SNX29: variants seen among roughly 807,000 people sequenced by gnomAD.
The protein encoded by SNX29 is sorting nexin-29.
A neutral mutation model predicts 102.1 loss-of-function variants in SNX29; 78 were observed. The ratio of observed to expected loss-of-function variants is 0.76; its 90% CI spans 0.64 to 0.92. SNX29 has a LOEUF of 0.92. Among genes scored for constraint, SNX29 ranks in the 40% least tolerant of loss-of-function variants. SNX29 has a pLI of 0.00. For synonymous variants in SNX29, 580 were observed against 414.5 expected (o/e 1.40, Z -4.85); for missense variants, 1,280 against 1,061.7 (o/e 1.21, Z -2.86).
chr16:12,264,806 A>G (rs2078879545), intron 14 of SNX29, among the ~76,000 whole-genome samples: 1 of 151,840 alleles, frequency 6.6e-6, no homozygotes, highest in African/African-American at 2.4e-5. Flanking sequence ...GGATGAAAAC[A>G]CTTATTATCT....
At chr16:12,025,790 G>A (rs1303950356) in intron 3 of SNX29, among the ~76,000 whole-genome samples, 1 of 152,164 alleles carries the variant, frequency 6.6e-6, no homozygotes, top group Non-Finnish European at 1.5e-5. Context: ...GGTAGCCAGA[G>A]GACTTTTATC....
intron 15 of SNX29, among the ~76,000 whole-genome samples, chr16:12,278,767 T>C (rs935534909): frequency 6.6e-6 from 1 of 152,214 alleles, no homozygotes; most frequent in Non-Finnish European, 1.5e-5. Context: ...TAGAAAGTCA[T>C]TACTCAAATT....
chr16:12,225,868 C>T (rs984661043), intron 14 of SNX29, among the ~76,000 whole-genome samples: 4 of 152,106 alleles, frequency 2.6e-5, no homozygotes, highest in Admixed American at 6.6e-5. Context: ...GTAGTTAACT[C>T]CACAATAATA....
At chr16:12,559,563 C>T (rs182565213) in intron 20 of SNX29, among the ~76,000 whole-genome samples, 3 of 151,972 alleles carry the variant, frequency 2.0e-5, no homozygotes, top group African/African-American at 7.3e-5. Context: ...GAAAATTTTT[C>T]TTATACATAA....
intron 13 of SNX29, among the ~76,000 whole-genome samples, chr16:12,146,350 C>G (rs1004986573): frequency 2.6e-5 from 4 of 152,130 alleles, no homozygotes; most frequent in African/African-American, 9.7e-5. Flanking sequence ...ACTGCAACCC[C>G]CACCTTCCAG....
rs577739761 is a variant in SNX29 at position 12,310,014 on chromosome 16, G to A, written c.1782+31978G>A. The stretch of plus-strand genomic sequence containing the variant: ...CCAAGATAAACACAGACGTGTGCAC[G>A]CACGCTTGCACACATGGATGTGTGC... On this transcript the variant is annotated intron_variant, in intron 15 of 20. Transcript: ENST00000566228. Among the ~76,000 whole-genome samples, 218 of 148,792 alleles carry A rather than the reference G, an allele frequency of 1.5e-3. 1 individual carries two copies. The highest frequency in any genetic ancestry group is 2.7e-3 in the Non-Finnish European group (182 of 67,508).
At chr16:12,402,282 A>T (rs2083976322) in intron 17 of SNX29, among the ~76,000 whole-genome samples, 1 of 152,248 alleles carries the variant, frequency 6.6e-6, no homozygotes, top group South Asian at 2.1e-4. Context: ...GTCATTGTGA[A>T]AATGAAATGG....
At chr16:12,218,951 T>C (rs527920210) in intron 14 of SNX29, among the ~76,000 whole-genome samples, 84 of 152,256 alleles carry the variant, frequency 5.5e-4, no homozygotes, top group African/African-American at 2.0e-3. Flanking sequence ...ATTTTTTGTA[T>C]TTTTAGTAGA....
At chr16:12,441,459 C>T (rs768603063) in intron 18 of SNX29, among the ~76,000 whole-genome samples, 2 of 152,090 alleles carry the variant, frequency 1.3e-5, no homozygotes, top group Non-Finnish European at 2.9e-5. Flanking sequence ...ATCCATTCAT[C>T]TCCTGATGGC....
rs2141595187 is a variant in SNX29 at position 12,572,581 on chromosome 16, T to C, written c.*3952T>C. On this transcript the variant is annotated 3_prime_UTR_variant, in exon 21 of 21. Coordinates refer to ENST00000566228, the MANE Select transcript of SNX29 (RefSeq NM_032167.5). ...CTCACAGGGAGGTCCAGCCATGTTC[T>C]CTGGGCTCCCAGTGAGCCCCCTCCC... The C allele has an allele frequency of 1.9e-6, 2 of 1,064,370 alleles. No individual in the cohort carries two copies. Among genetic ancestry groups the C allele is most frequent in the Non-Finnish European group, 1.1e-6 (1 of 878,640 alleles). The allele number at this position is 1,064,370 out of a possible 1,614,324, so 65.9% of individuals were successfully genotyped here. A position where few individuals can be genotyped will look rare whatever the true frequency, so the allele number is the denominator to read the frequency against.
At chr16:12,347,446 G>A (rs952043872) in intron 15 of SNX29, among the ~76,000 whole-genome samples, 5 of 152,094 alleles carry the variant, frequency 3.3e-5, no homozygotes, top group Non-Finnish European at 7.4e-5. Context: ...TCCAAAGATG[G>A]GAGATGCAGG....
At chr16:12,115,485 T>TTGTG (rs3222983) in intron 11 of SNX29, among the ~76,000 whole-genome samples, 24,857 of 141,778 alleles carry the variant, frequency 0.18, 2,293 homozygotes, top group Middle Eastern at 0.21. Context: ...CCACCTTGAT[T>TTGTG]TGTGTGTGTG....
chr16:12,198,900 C>T (rs780685902), intron 13 of SNX29, among the ~76,000 whole-genome samples: 1 of 152,318 alleles, frequency 6.6e-6, no homozygotes, highest in East Asian at 1.9e-4. Context: ...AGTCTAAATA[C>T]TCAACAAATG....
chr16:12,032,200 CTTCT>C (rs778085675), intron 4 of SNX29, among the ~76,000 whole-genome samples: 1 of 141,340 alleles, frequency 7.1e-6, no homozygotes. Flanking sequence ...TCTTCTTCTT[CTTCT>C]TTTTTTTTTT....
intron 11 of SNX29, among the ~76,000 whole-genome samples, chr16:12,113,607 C>T (rs755954906): frequency 9.2e-5 from 14 of 152,206 alleles, no homozygotes; most frequent in Admixed American, 2.6e-4. Context: ...TGTGCAGCTC[C>T]GCATCCTCAT....
At chr16:12,559,387 C>T (rs577352459) in intron 20 of SNX29, among the ~76,000 whole-genome samples, 1 of 151,514 alleles carries the variant, frequency 6.6e-6, no homozygotes, top group Admixed American at 6.6e-5. Flanking sequence ...CTCACCCTCT[C>T]CCATCGCCCC....
At chr16:12,545,712 CAGAGACGAGGTCA>C (rs2077566270) in intron 20 of SNX29, 2 of 152,248 alleles carry the variant, frequency 1.3e-5, no homozygotes, top group Non-Finnish European at 2.9e-5. Context: ...GGTGGGTGGC[CAGAGACGAGGTCA>C]CCATGAAGCC....
intron 20 of SNX29, among the ~76,000 whole-genome samples, chr16:12,559,388 C>G (rs922459115): frequency 6.6e-6 from 1 of 151,420 alleles, no homozygotes; most frequent in East Asian, 1.9e-4. Context: ...TCACCCTCTC[C>G]CATCGCCCCC....
chr16:12,547,281 C>T (rs1165212544), intron 20 of SNX29, among the ~76,000 whole-genome samples: 1 of 152,162 alleles, frequency 6.6e-6, no homozygotes, highest in Non-Finnish European at 1.5e-5. Context: ...AGAGTTGGCC[C>T]CTGGGAGAAA....
Sources: gnomAD v4.1 joint callset for allele counts (sites outside exome capture counted in the v4.1 genomes callset) on GRCh38, gnomAD v4.1.1 for gene constraint, MANE v1.5 for transcripts, NCBI Gene and HGNC (gene_info 2026-07-23, HGNC 2026-07-21) for gene names.